Variants in CDH4 observed in about 807,000 individuals in gnomAD.
CDH4 encodes cadherin-4.
CDH4 carries 33 observed loss-of-function variants against 86.0 expected under a neutral mutation model. The ratio of observed to expected loss-of-function variants is 0.38; its 90% CI spans 0.29 to 0.51. The LOEUF is 0.51. Among genes scored for constraint, CDH4 ranks in the 20% least tolerant of loss-of-function variants. The pLI, the probability that CDH4 is intolerant of heterozygous loss-of-function variation, is 0.86. For synonymous variants in CDH4, 555 were observed against 549.4 expected, an observed-to-expected ratio of 1.01 and a Z score of -0.14; for missense variants, 1,114 against 1,307.4, an observed-to-expected ratio of 0.85 and a Z score of 2.28.
intron 2 of CDH4, among the ~76,000 whole-genome samples, chr20:61,312,927 C>T (rs2427068): frequency 0.25 from 38,502 of 151,970 alleles, 5,660 homozygotes; most frequent in African/African-American, 0.41. Context: ...CAGGGGTGCT[C>T]GGCAGGTCCT....
At chr20:61,461,014 T>G (rs1034690799) in intron 2 of CDH4, among the ~76,000 whole-genome samples, 2 of 152,170 alleles carry the variant, frequency 1.3e-5, no homozygotes, top group African/African-American at 4.8e-5. Flanking sequence ...GCCGCCTGTT[T>G]CCAGGGCCAT....
intron 2 of CDH4, among the ~76,000 whole-genome samples, chr20:61,341,548 T>G (rs368306289): frequency 2.0e-5 from 3 of 148,026 alleles, no homozygotes; most frequent in Non-Finnish European, 3.0e-5. Context: ...TTAGATGAAA[T>G]GGTGTTGAGA....
intron 3 of CDH4, among the ~76,000 whole-genome samples, chr20:61,766,479 T>C (rs2088699787): frequency 6.6e-6 from 1 of 152,096 alleles, no homozygotes; most frequent in Non-Finnish European, 1.5e-5. Context: ...CTTCTCAGGT[T>C]TCTTCCGACA....
chr20:61,691,872 A>ATGTGTG (rs1568758809), intron 2 of CDH4, among the ~76,000 whole-genome samples: 1 of 127,434 alleles, frequency 7.8e-6, no homozygotes, highest in Non-Finnish European at 1.7e-5. Context: ...ACACCTGTCT[A>ATGTGTG]TGTGTGTATG....
intron 8 of CDH4, among the ~76,000 whole-genome samples, chr20:61,903,414 G>A (rs915164712): frequency 6.6e-6 from 1 of 151,920 alleles, no homozygotes; most frequent in African/African-American, 2.4e-5. Context: ...GCATGATGGC[G>A]GGTGCTTGTA....
intron 5 of CDH4, among the ~76,000 whole-genome samples, chr20:61,847,508 C>G: frequency 6.6e-6 from 1 of 152,240 alleles, no homozygotes; most frequent in East Asian, 1.9e-4. Flanking sequence ...TCCAGCGCCC[C>G]CACCACCTCC....
intron 2 of CDH4, among the ~76,000 whole-genome samples, chr20:61,372,669 C>T (rs2084847161): frequency 6.6e-6 from 1 of 152,232 alleles, no homozygotes; most frequent in Admixed American, 6.5e-5. Context: ...CCTGACGTCC[C>T]CTGAGATCCA....
chr20:61,844,571 C>T (rs1982338219), intron 4 of CDH4, 97 bp from the exon 5 acceptor site: 1 of 1,201,096 alleles, frequency 8.3e-7, no homozygotes, highest in Non-Finnish European at 1.2e-6. Context: ...AATGGTCGAG[C>T]TCGAGGAACT....
At chr20:61,862,796 G>A (rs1186922216) in intron 6 of CDH4, among the ~76,000 whole-genome samples, 1 of 152,130 alleles carries the variant, frequency 6.6e-6, no homozygotes, top group Non-Finnish European at 1.5e-5. Context: ...ACTGTGTGGG[G>A]CCTATATTAT....
chr20:61,845,429 T>C (rs1982400628), intron 5 of CDH4, among the ~76,000 whole-genome samples: 1 of 152,074 alleles, frequency 6.6e-6, no homozygotes, highest in East Asian at 1.9e-4. Context: ...GCGGGCCTTC[T>C]CCTCCCGGGC....
intron 2 of CDH4, among the ~76,000 whole-genome samples, chr20:61,710,591 C>T (rs1410966863): frequency 6.6e-6 from 1 of 152,198 alleles, no homozygotes; most frequent in Non-Finnish European, 1.5e-5. Flanking sequence ...GCCCCTGCCT[C>T]TGGGGCCCTG....
chr20:61,512,427 T>C (rs566567857), intron 2 of CDH4, among the ~76,000 whole-genome samples: 2 of 152,236 alleles, frequency 1.3e-5, no homozygotes, highest in Admixed American at 1.3e-4. Flanking sequence ...TTCCACTTCA[T>C]AATAAGCTTC....
intron 2 of CDH4, among the ~76,000 whole-genome samples, chr20:61,266,280 GC>G (rs372311171): frequency 6.6e-6 from 1 of 152,096 alleles, no homozygotes; most frequent in African/African-American, 2.4e-5. Context: ...TGAATTTCCA[GC>G]CCCAGAGTGT....
In CDH4 at chr20:61,477,274, G is replaced by T. The variant is rs1379650318; in HGVS notation, c.169+222337G>T. Among the ~76,000 whole-genome samples, 9 of 152,364 alleles carry T rather than the reference G, an allele frequency of 5.9e-5. No homozygotes were observed. In the East Asian group the frequency reaches 1.2e-3, roughly 20 times the overall value. ...CAATGGGCAAATGCAGTGCAAGGGG[G>T]CAGCAAGAAGCTCCAGCCAGATTTC... On this transcript the variant is annotated intron_variant, in intron 2 of 15. Coordinates refer to ENST00000614565, the MANE Select transcript of CDH4 (RefSeq NM_001794.5).
intron 2 of CDH4, among the ~76,000 whole-genome samples, chr20:61,729,304 G>A (rs570069908): frequency 6.6e-6 from 1 of 152,312 alleles, no homozygotes; most frequent in South Asian, 2.1e-4. Context: ...GGCACCAGTA[G>A]GACTGGCTAA....
intron 2 of CDH4, among the ~76,000 whole-genome samples, chr20:61,299,869 G>T (rs2123202155): frequency 6.6e-6 from 1 of 152,282 alleles, no homozygotes; most frequent in South Asian, 2.1e-4. Flanking sequence ...TAACGCCATA[G>T]AAGCCGCCAG....
intron 2 of CDH4, among the ~76,000 whole-genome samples, chr20:61,503,060 G>A (rs985211093): frequency 3.9e-5 from 6 of 152,154 alleles, no homozygotes; most frequent in South Asian, 2.1e-4. Context: ...AAATAGACGC[G>A]TTGTAAATAC....
intron 2 of CDH4, among the ~76,000 whole-genome samples, chr20:61,455,522 G>A (rs978558656): frequency 1.4e-4 from 21 of 152,138 alleles, no homozygotes; most frequent in African/African-American, 4.6e-4. Flanking sequence ...AATAAATCCC[G>A]CAAAAACCAG....
At chr20:61,546,033 T>TCACA (rs146317117) in intron 2 of CDH4, among the ~76,000 whole-genome samples, 5 of 1,176 alleles carry the variant, frequency 4.3e-3, no homozygotes, top group Admixed American at 0.01. Context: ...CGGTGTGTGT[T>TCACA]CGTGTGTGTG....
Sources: allele counts gnomAD v4.1 joint callset (sites outside exome capture counted in the v4.1 genomes callset), GRCh38; gene constraint gnomAD v4.1.1; transcripts MANE v1.5; gene names NCBI Gene and HGNC (gene_info 2026-07-23, HGNC 2026-07-21).